Variants in MAP3K13 observed in about 807,000 individuals in gnomAD.
MAP3K13 encodes the protein mitogen-activated protein kinase kinase kinase 13.
In MAP3K13, 52 loss-of-function variants were observed where a neutral mutation model predicts 104.0. The ratio of observed to expected loss-of-function variants is 0.50; its 90% CI spans 0.40 to 0.63. The LOEUF (loss-of-function observed/expected upper bound fraction) is 0.63, where lower values mean the gene tolerates loss of function less well. Among genes scored for constraint, MAP3K13 ranks in the 20% least tolerant of loss-of-function variants. The probability of loss-of-function intolerance (pLI) is 0.00; values close to 1 mark genes in which losing one functional copy is unlikely to be tolerated. For missense variants in MAP3K13, 914 were observed against 1,218.5 expected (o/e 0.75, Z 3.72); for synonymous variants, 394 against 442.2 (o/e 0.89, Z 1.37).
chr3:185,339,146 C>A (rs796942957), intron 2 of MAP3K13, among the ~76,000 whole-genome samples: 20 of 152,012 alleles, frequency 1.3e-4, no homozygotes, highest in African/African-American at 4.6e-4. Flanking sequence ...ATGGAGAAAC[C>A]CCGTCTCTAT....
chr3:185,347,177 G>C (rs1304834242), intron 2 of MAP3K13, among the ~76,000 whole-genome samples: 3 of 151,898 alleles, frequency 2.0e-5, no homozygotes, highest in South Asian at 2.1e-4. Flanking sequence ...AGTAGAGACG[G>C]GGTTTCACCA....
At chr3:185,453,053 A>G (rs1490240567) in intron 7 of MAP3K13, among the ~76,000 whole-genome samples, 2 of 152,182 alleles carry the variant, frequency 1.3e-5, no homozygotes, top group Non-Finnish European at 2.9e-5. Flanking sequence ...TGCAAATGTC[A>G]TAAGGATTGG....
intron 12 of MAP3K13, among the ~76,000 whole-genome samples, chr3:185,478,123 TATG>T (rs1398487919): frequency 6.6e-6 from 1 of 152,200 alleles, no homozygotes; most frequent in Non-Finnish European, 1.5e-5. Context: ...TCAAGTTAAA[TATG>T]ATTAGATAAG....
At chr3:185,332,920 T>C (rs1472165660) in intron 2 of MAP3K13, among the ~76,000 whole-genome samples, 1 of 152,248 alleles carries the variant, frequency 6.6e-6, no homozygotes, top group East Asian at 1.9e-4. Flanking sequence ...AATGGGATTG[T>C]TGGATCATAT....
At chr3:185,305,590 C>T (rs1163372851) in intron 2 of MAP3K13, among the ~76,000 whole-genome samples, 1 of 152,052 alleles carries the variant, frequency 6.6e-6, no homozygotes, top group Non-Finnish European at 1.5e-5. Flanking sequence ...TTACAGAGAG[C>T]TTTACGTGTT....
intron 1 of MAP3K13, among the ~76,000 whole-genome samples, chr3:185,395,357 CTTTT>C (rs770336517): frequency 1.4e-5 from 1 of 69,978 alleles, no homozygotes; most frequent in African/African-American, 6.9e-5. Flanking sequence ...AATATTATTT[CTTTT>C]TTTTTTTTTT....
intron 3 of MAP3K13, among the ~76,000 whole-genome samples, chr3:185,443,143 C>G (rs533092280): frequency 4.6e-5 from 7 of 152,214 alleles, no homozygotes; most frequent in Admixed American, 2.0e-4. Context: ...CCAGCCTGCA[C>G]AAACTTCAGA....
At chr3:185,289,221 C>T (rs2108670742) in intron 2 of MAP3K13, among the ~76,000 whole-genome samples, 1 of 152,242 alleles carries the variant, frequency 6.6e-6, no homozygotes, top group Non-Finnish European at 1.5e-5. Context: ...AGGCAGTGAA[C>T]TCCTGGTAAT....
chr3:185,358,238 C>A (rs111379128), upstream of MAP3K13, among the ~76,000 whole-genome samples: 9 of 151,884 alleles, frequency 5.9e-5, no homozygotes, highest in Non-Finnish European at 1.0e-4. Flanking sequence ...GCAGCAGGGT[C>A]GAAAAAATGA....
intron 1 of MAP3K13, among the ~76,000 whole-genome samples, chr3:185,371,032 G>GA (rs1395790192): frequency 6.6e-6 from 1 of 151,946 alleles, no homozygotes; most frequent in Non-Finnish European, 1.5e-5. Flanking sequence ...ATTATAACCA[G>GA]CCTTTGTAAA....
chr3:185,304,691 T>G (rs1037475321), intron 2 of MAP3K13, among the ~76,000 whole-genome samples: 5 of 152,168 alleles, frequency 3.3e-5, no homozygotes, highest in Non-Finnish European at 4.4e-5. Flanking sequence ...TGGAGTACAG[T>G]GGCGCGATCT....
intron 1 of MAP3K13, among the ~76,000 whole-genome samples, chr3:185,378,064 T>C (rs1167413613): frequency 6.6e-6 from 1 of 152,110 alleles, no homozygotes; most frequent in Non-Finnish European, 1.5e-5. Flanking sequence ...GGAGTTCTTG[T>C]GTGCTGGAGA....
At position 185,384,398 on chromosome 3, in the gene MAP3K13, G is replaced by T. The variant is rs1711562349; in HGVS notation, c.-86+21030G>T. Among the ~76,000 whole-genome samples, 3 of 150,834 alleles carry T rather than the reference G, an allele frequency of 2.0e-5. No homozygotes were observed. The South Asian group carries it at 6.3e-4, about 31-fold the overall frequency. On this transcript the variant is annotated intron_variant, in intron 1 of 13. Coordinates refer to ENST00000265026, the MANE Select transcript of MAP3K13 (RefSeq NM_004721.5). ...AATACTTGAGTTGATTCCATATCTT[G>T]ATATTGTAAACAGTGCTGCAGTAAA...
At chr3:185,361,828 C>A (rs1161130165), upstream of MAP3K13, among the ~76,000 whole-genome samples, 3 of 152,170 alleles carry the variant, frequency 2.0e-5, no homozygotes, top group Non-Finnish European at 4.4e-5. Context: ...AGTGATATTC[C>A]ACAATAAGCT....
chr3:185,451,025 G>A (rs1406747627), intron 6 of MAP3K13, among the ~76,000 whole-genome samples: 1 of 152,208 alleles, frequency 6.6e-6, no homozygotes, highest in Non-Finnish European at 1.5e-5. Flanking sequence ...AGGAGGCGGA[G>A]CTTGCAGTGA....
intron 2 of MAP3K13, among the ~76,000 whole-genome samples, chr3:185,357,007 T>C (rs9876590): frequency 0.47 from 72,059 of 152,062 alleles, 18,849 homozygotes; most frequent in Middle Eastern, 0.63. Flanking sequence ...GCATGCAATG[T>C]GTGGCTACAG....
Position 185,428,879 on chromosome 3 carries a change from G to C in MAP3K13, c.298G>C (p.Gly100Arg), listed in dbSNP as rs768822075. Residue 100 changes from glycine (G) to arginine (R), a missense_variant, in exon 2 of 14, where the codon GGG becomes CGG. Physicochemically the swap from Gly to Arg is moderately radical, Grantham distance 125. This residue lies in a region of MAP3K13 where 156 missense variants were observed against 159.8 expected (regional missense o/e 0.98). Transcript: ENST00000265026. ...HDESETAVSQ[G>R]NSNTVDGEST... ...TGAATCAGAGACGGCGGTGTCTCAG[G>C]GGAACAGCAACACGGTGGACGGAGA... 6.8e-6 allele frequency: 11 copies of C among 1,614,052 alleles called. No homozygotes were observed.
In MAP3K13 at chr3:185,401,678, C is replaced by T. The variant is rs149463788; in HGVS notation, c.-85-26819C>T. On this transcript the variant is annotated intron_variant, in intron 1 of 13. Transcript: ENST00000265026. ...GCAAAGGGCTTTATATAAAAATACA[C>T]GTACTTATTAAAACATTTTAGTAAG... is the stretch of plus-strand genomic sequence containing the variant. Among the ~76,000 whole-genome samples the T allele has an allele frequency of 3.3e-3, 496 of 152,218 alleles. 4 individuals are homozygous for T. The highest frequency in any genetic ancestry group is 0.011 in the African/African-American group (462 of 41,518).
upstream of MAP3K13, among the ~76,000 whole-genome samples, chr3:185,360,818 C>CTTTTTTTT (rs532196266): frequency 2.6e-5 from 2 of 78,092 alleles, no homozygotes; most frequent in African/African-American, 9.5e-5. Context: ...ACAGCTTTAG[C>CTTTTTTTT]TTTTTTTTTT....
Sources: allele counts gnomAD v4.1 joint callset (sites outside exome capture counted in the v4.1 genomes callset), GRCh38; gene constraint gnomAD v4.1.1; regional missense constraint gnomAD v4.1.1; transcripts MANE v1.5; gene names NCBI Gene and HGNC (gene_info 2026-07-23, HGNC 2026-07-21).